The following CAPN11 variants were observed in gnomAD, a reference collection of about 807,000 sequenced individuals.
CAPN11 encodes calpain-11.
In CAPN11, 108 loss-of-function variants were observed where a neutral mutation model predicts 105.3. The ratio of observed to expected loss-of-function variants is 1.03; its 90% CI spans 0.88 to 1.20. CAPN11 has a LOEUF of 1.20. Among genes scored for constraint, CAPN11 ranks in the 50% most tolerant of loss-of-function variants. The pLI is 0.00. For missense variants in CAPN11, 883 were observed against 924.8 expected (o/e 0.95, Z 0.59); for synonymous variants, 329 against 344.5 (o/e 0.96, Z 0.50).
intron 2 of CAPN11, chr6:44,168,975 T>C: frequency 2.1e-6 from 1 of 472,750 alleles, no homozygotes; most frequent in Non-Finnish European, 4.2e-6. Flanking sequence ...CAGACTGGAG[T>C]GCCATCACAT....
intron 14 of CAPN11, 117 bp downstream of exon 14, chr6:44,180,280 A>G: frequency 1.1e-6 from 1 of 934,928 alleles, no homozygotes; most frequent in Non-Finnish European, 1.6e-6. Context: ...AGTCAGGGAA[A>G]CTGAGGCATG....
At chr6:44,164,837 G>A (rs1479340630) in intron 1 of CAPN11, among the ~76,000 whole-genome samples, 2 of 152,086 alleles carry the variant, frequency 1.3e-5, no homozygotes, top group African/African-American at 4.8e-5. Context: ...TGGGGAGGGG[G>A]AGCGGTATGT....
Position 44,181,262 on chromosome 6 carries a change from C to T in CAPN11, c.1880C>T (p.Ser627Phe). The change falls in exon 19 of 23, where the codon TCT (serine) becomes TTT (phenylalanine). Residue 627 changes from serine (S) to phenylalanine (F), a missense_variant. Physicochemically the swap from Ser to Phe is radical, Grantham distance 155. Transcript: ENST00000398776. ...CMINLMDKDG[S>F]GKLGLLEFKI... ...TTGACCACCTTCCAGAAAGATGGCT[C>T]TGGCAAGCTGGGGCTTCTAGAGTTC... 6.2e-7 allele frequency: 1 copy of T among 1,613,534 alleles called. No homozygotes were observed. Among genetic ancestry groups the T allele is most frequent in the South Asian group, 1.1e-5 (1 of 91,084 alleles).
Position 44,180,126 on chromosome 6 carries a change from C to T in CAPN11, c.1603C>T (p.Leu535=). 6.2e-7 allele frequency: 1 copy of T among 1,613,424 alleles called. No individual in the cohort carries two copies. Reference sequence around the variant, plus strand: ...TGAGCCACACAGAGATGCTGACTTCCTGCTTCGGGTCTTCACCGAGAAGCA... The same window carrying T: ...TGAGCCACACAGAGATGCTGACTTCTTGCTTCGGGTCTTCACCGAGAAGCA... ...TFEPHRDADF[L]LRVFTEKHSE... is the part of the protein sequence containing the mutation. Residue 535 remains leucine (L), a synonymous_variant, in exon 14 of 23, where the codon CTG becomes TTG. Transcript: ENST00000398776.
At position 44,181,233 on chromosome 6, in the gene CAPN11, G is replaced by A; in HGVS notation, c.1870-19G>A. ...ATGCCTTCTTCACTCCTTCTCTGCTGTCCTTGACCACCTTCCAGAAAGATG... is the reference window on the plus strand; with the variant it reads ...ATGCCTTCTTCACTCCTTCTCTGCTATCCTTGACCACCTTCCAGAAAGATG... On this transcript the variant is annotated intron_variant, in intron 18 of 22. Transcript: ENST00000398776. 6.2e-7 allele frequency: 1 copy of A among 1,612,792 alleles called. No homozygotes were observed. Among genetic ancestry groups the A allele is most frequent in the Non-Finnish European group, 8.5e-7 (1 of 1,178,988 alleles).
At chr6:44,179,525 C>T in intron 12 of CAPN11, 94 bp from the exon 13 acceptor site, 1 of 1,124,888 alleles carries the variant, frequency 8.9e-7, no homozygotes, top group Non-Finnish European at 1.4e-6. Context: ...CACACACACA[C>T]AGACACACAC....
chr6:44,166,007 G>T (rs1769769275), intron 1 of CAPN11, among the ~76,000 whole-genome samples: 2 of 152,070 alleles, frequency 1.3e-5, no homozygotes, highest in African/African-American at 4.8e-5. Context: ...TAGGGTCCTA[G>T]GAGGGGATGC....
At chr6:44,177,032 G>C (rs772693173) in intron 11 of CAPN11, 34 bp downstream of exon 11, 121 of 1,602,896 alleles carry the variant, frequency 7.5e-5, no homozygotes, top group Non-Finnish European at 9.8e-5. Context: ...GGGGTGTGCA[G>C]GGAGTGAAGG....
At position 44,168,049 on chromosome 6, in the gene CAPN11, CAG is replaced by C. The variant is rs1491142043; in HGVS notation, c.88+1223_88+1224del. Among the ~76,000 whole-genome samples the C allele has an allele frequency of 5.9e-3, 902 of 151,986 alleles. 4 individuals carry two copies. Among genetic ancestry groups the C allele is most frequent in the African/African-American group, 0.02 (848 of 41,442 alleles). On this transcript the variant is annotated intron_variant, in intron 2 of 22. Coordinates refer to ENST00000398776, the MANE Select transcript of CAPN11 (RefSeq NM_007058.4). ...AAAAAATGGAAAAAAACCCAAAAAA[CAG>C]AGTGTATAATTCAGTGGCTTTTAGT...
At chr6:44,171,285 T>G (rs1192052419) in intron 4 of CAPN11, among the ~76,000 whole-genome samples, 1 of 152,170 alleles carries the variant, frequency 6.6e-6, no homozygotes, top group Non-Finnish European at 1.5e-5. Context: ...AGGTCTGTAG[T>G]GCTCATCTCC....
chr6:44,179,302 A>T (rs1333449118), intron 12 of CAPN11, among the ~76,000 whole-genome samples: 12 of 144,028 alleles, frequency 8.3e-5, no homozygotes, highest in African/African-American at 2.0e-4. Flanking sequence ...AGCTGAAGGA[A>T]TTTTTTTTTT....
chr6:44,159,157 C>A (rs1415420147), intron 1 of CAPN11, among the ~76,000 whole-genome samples: 3 of 152,106 alleles, frequency 2.0e-5, no homozygotes, highest in African/African-American at 2.4e-5. Context: ...TCTCCACTGA[C>A]AGTTGGAGTT....
chr6:44,158,824 G>C lies in CAPN11; in HGVS notation c.-25G>C. 1.3e-6 allele frequency: 2 copies of C among 1,551,052 alleles called. No individual in the cohort carries two copies. The highest frequency in any genetic ancestry group is 1.2e-5 in the South Asian group (1 of 84,028). On this transcript the variant is annotated 5_prime_UTR_variant, in exon 1 of 23. Coordinates refer to ENST00000398776, the MANE Select transcript of CAPN11 (RefSeq NM_007058.4). Reference sequence around the variant, plus strand: ...CCCCCTCCCACCAGAACCTTCAACTGTCAAGCACCGAGCTAGCCACCAGCA... The same window carrying C: ...CCCCCTCCCACCAGAACCTTCAACTCTCAAGCACCGAGCTAGCCACCAGCA...
chr6:44,162,000 G>A, intron 1 of CAPN11: 2 of 428,728 alleles, frequency 4.7e-6, no homozygotes, highest in Non-Finnish European at 9.6e-6. Flanking sequence ...TACACTGAGG[G>A]GCGCCCAGCA....
intron 19 of CAPN11, among the ~76,000 whole-genome samples, 176 bp downstream of exon 19, chr6:44,181,496 A>T (rs62401128): frequency 0.011 from 955 of 86,462 alleles, 5 homozygotes; most frequent in African/African-American, 0.015. Flanking sequence ...CACACCACAC[A>T]CACACACACA....
At chr6:44,171,873 G>A (rs1200306395) in intron 4 of CAPN11, among the ~76,000 whole-genome samples, 4 of 152,082 alleles carry the variant, frequency 2.6e-5, no homozygotes, top group African/African-American at 7.2e-5. Context: ...TAAGACCAGC[G>A]TGGCCAACAT....
At position 44,180,756 on chromosome 6, in the gene CAPN11, G is replaced by A. The variant is rs771086447; in HGVS notation, c.1755G>A (p.Glu585=). The A allele has an allele frequency of 6.2e-7, 1 of 1,613,778 alleles. No individual in the cohort carries two copies. Among genetic ancestry groups the A allele is most frequent in the African/African-American group, 1.3e-5 (1 of 74,982 alleles). ...LFKIVAGEGK[E]IGVYELQRLL... is the part of the protein sequence containing the mutation. Reference sequence around the variant, plus strand: ...ACAGTTCCCCTTCCTAGGGCAAGGAGATAGGGGTGTATGAGCTCCAGAGGC... The same window carrying A: ...ACAGTTCCCCTTCCTAGGGCAAGGAAATAGGGGTGTATGAGCTCCAGAGGC... The change falls in exon 17 of 23, where the codon GAG becomes GAA. Residue 585 remains glutamate, a synonymous_variant. Coordinates refer to ENST00000398776, the MANE Select transcript of CAPN11 (RefSeq NM_007058.4).
In CAPN11 at chr6:44,183,709, C is replaced by G. The variant is rs1237474103; in HGVS notation, c.2139C>G (p.Phe713Leu). ...CFLRLKTMFT[F>L]FLTMDPKNTG... Reference sequence around the variant, plus strand: ...CCCGCTTCCTCTGTAACGCAGCATTCTTTCTAACCATGGACCCCAAGAATA... The same window carrying G: ...CCCGCTTCCTCTGTAACGCAGCATTGTTTCTAACCATGGACCCCAAGAATA... Residue 713 changes from phenylalanine to leucine, a missense_variant, in exon 22 of 23, where the codon TTC becomes TTG. Phe to Leu is a conservative substitution (Grantham distance 22). Transcript: ENST00000398776. 53 of 1,613,756 alleles carry G rather than the reference C, an allele frequency of 3.3e-5. No homozygotes were observed. Among genetic ancestry groups the G allele is most frequent in the Non-Finnish European group, 4.5e-5 (53 of 1,179,842 alleles).
At chr6:44,170,762 G>A (rs1330274199) in intron 4 of CAPN11, among the ~76,000 whole-genome samples, 1 of 152,154 alleles carries the variant, frequency 6.6e-6, no homozygotes, top group African/African-American at 2.4e-5. Context: ...GCTAGAACCC[G>A]ATCAATCTGG....
Sources: allele counts gnomAD v4.1 joint callset (sites outside exome capture counted in the v4.1 genomes callset), GRCh38; gene constraint gnomAD v4.1.1; transcripts MANE v1.5; gene names NCBI Gene and HGNC (gene_info 2026-07-23, HGNC 2026-07-21).